Variants in VPS13B observed in about 807,000 individuals in gnomAD.
VPS13B encodes intermembrane lipid transfer protein VPS13B.
In VPS13B, 285 loss-of-function variants were observed where a neutral mutation model predicts 426.4. The ratio of observed to expected loss-of-function variants is 0.67; its 90% confidence interval spans 0.61 to 0.74. The LOEUF (loss-of-function observed/expected upper bound fraction) is 0.74, where lower values mean the gene tolerates loss of function less well. Among genes scored for constraint, VPS13B ranks in the 30% least tolerant of loss-of-function variants. The pLI, the probability that VPS13B is intolerant of heterozygous loss-of-function variation, is 0.00. For synonymous variants in VPS13B, 1,676 were observed against 1,676.4 expected (o/e 1.00, Z 0.01); for missense variants, 4,537 against 4,782.6 (o/e 0.95, Z 1.51).
intron 17 of VPS13B, chr8:99,233,539 T>TG: frequency 8.8e-7 from 1 of 1,133,486 alleles, no homozygotes; most frequent in Non-Finnish European, 1.3e-6. Context: ...AAACTGGTGA[T>TG]GGGGGTACAG....
In VPS13B at chr8:99,375,459, A is replaced by G. The variant is rs1027794571; in HGVS notation, c.2825-8749A>G. ...CTACATCCTACGAGAAGAGGAAGTA[A>G]TGAGCTACCATACGCACATACCATA... On this transcript the variant is annotated intron_variant, in intron 19 of 61. Transcript: ENST00000357162. 9.2e-5 allele frequency among the ~76,000 whole-genome samples: 14 copies of G among 152,222 alleles called. No homozygotes were observed. In the East Asian group the frequency reaches 2.5e-3, roughly 27 times the overall value.
At chr8:99,860,547 T>A (rs896051928) in intron 57 of VPS13B, among the ~76,000 whole-genome samples, 1 of 152,244 alleles carries the variant, frequency 6.6e-6, no homozygotes, top group African/African-American at 2.4e-5. Context: ...TTTTTTACAC[T>A]TGTTCTTTTC....
chr8:99,683,368 T>C (rs145880758), intron 35 of VPS13B, among the ~76,000 whole-genome samples: 189 of 151,256 alleles, frequency 1.2e-3, no homozygotes, highest in African/African-American at 4.4e-3. Flanking sequence ...AGAATCAGCT[T>C]TTCTATATTT....
At chr8:99,078,952 A>G (rs1845290307) in intron 3 of VPS13B, among the ~76,000 whole-genome samples, 1 of 152,002 alleles carries the variant, frequency 6.6e-6, no homozygotes, top group Non-Finnish European at 1.5e-5. Context: ...GATAGTGCAC[A>G]TGGTAAAGGT....
intron 39 of VPS13B, among the ~76,000 whole-genome samples, chr8:99,728,331 T>C (rs1833438261): frequency 6.6e-6 from 1 of 152,296 alleles, no homozygotes; most frequent in South Asian, 2.1e-4. Flanking sequence ...CTGTTCAATA[T>C]GTCACAAACC....
chr8:99,307,169 A>G (rs912842479), intron 19 of VPS13B, among the ~76,000 whole-genome samples: 1 of 152,128 alleles, frequency 6.6e-6, no homozygotes, highest in Non-Finnish European at 1.5e-5. Flanking sequence ...AATGGTAATA[A>G]TTAGGGTTCT....
At chr8:99,398,652 C>T (rs954655070) in intron 21 of VPS13B, among the ~76,000 whole-genome samples, 2 of 152,130 alleles carry the variant, frequency 1.3e-5, no homozygotes, top group Non-Finnish European at 2.9e-5. Context: ...ACAGTGAGAT[C>T]ATAGGTAAGC....
intron 19 of VPS13B, among the ~76,000 whole-genome samples, chr8:99,275,573 A>G (rs1474182101): frequency 6.6e-6 from 1 of 152,156 alleles, no homozygotes; most frequent in Non-Finnish European, 1.5e-5. Flanking sequence ...TTCTTGAGAT[A>G]GTAGCACTTT....
At chr8:99,716,515 C>G (rs28692823) in intron 36 of VPS13B, among the ~76,000 whole-genome samples, 6 of 152,258 alleles carry the variant, frequency 3.9e-5, no homozygotes, top group African/African-American at 1.2e-4. Context: ...ATCTACACTC[C>G]TATTTTAAGT....
chr8:99,568,040 A>G (rs1825270328), intron 31 of VPS13B, among the ~76,000 whole-genome samples: 1 of 152,152 alleles, frequency 6.6e-6, no homozygotes, highest in Admixed American at 6.5e-5. Flanking sequence ...GTTTCTGCTG[A>G]GAGTGTTTTA....
chr8:99,256,665 T>G (rs571690704), intron 17 of VPS13B, among the ~76,000 whole-genome samples: 33 of 152,324 alleles, frequency 2.2e-4, no homozygotes, highest in Non-Finnish European at 2.1e-4. Flanking sequence ...TATTTTCATG[T>G]GCTTATTATC....
At chr8:99,452,012 C>A (rs924701358) in intron 23 of VPS13B, among the ~76,000 whole-genome samples, 1 of 152,136 alleles carries the variant, frequency 6.6e-6, no homozygotes, top group African/African-American at 2.4e-5. Context: ...TTTTTGCGTG[C>A]AATCCTTTTG....
At chr8:99,461,486 C>A (rs543284664) in intron 23 of VPS13B, among the ~76,000 whole-genome samples, 1 of 152,266 alleles carries the variant, frequency 6.6e-6, no homozygotes, top group African/African-American at 2.4e-5. Context: ...AATGATCTTG[C>A]AAGCTTTTCT....
chr8:99,138,245 G>A lies in VPS13B; in HGVS notation c.1651+1493G>A, dbSNP rs368395039. ...TGGTTCAAGCGATTCTCATGCCTCA[G>A]CCTCCTAAGTGGCTGGGACTACAGG... On this transcript the variant is annotated intron_variant, in intron 12 of 61. Transcript: ENST00000357162. Among the ~76,000 whole-genome samples, 3 of 152,312 alleles carry A rather than the reference G, an allele frequency of 2.0e-5. 1 individual carries two copies. Among genetic ancestry groups the A allele is most frequent in the Middle Eastern group, 6.8e-3 (2 of 294 alleles).
intron 21 of VPS13B, among the ~76,000 whole-genome samples, chr8:99,393,348 T>C (rs1814547329): frequency 6.6e-6 from 1 of 152,122 alleles, no homozygotes; most frequent in South Asian, 2.1e-4. Context: ...TTTATGTTTT[T>C]ATAAGAAATT....
chr8:99,122,752 G>T (rs751155383), intron 8 of VPS13B, among the ~76,000 whole-genome samples: 5 of 152,096 alleles, frequency 3.3e-5, no homozygotes, highest in African/African-American at 4.8e-5. Context: ...GCTTTTTCAA[G>T]CTTAAATTGA....
At chr8:99,317,982 T>G (rs897322640) in intron 19 of VPS13B, among the ~76,000 whole-genome samples, 2 of 152,180 alleles carry the variant, frequency 1.3e-5, no homozygotes, top group Admixed American at 6.5e-5. Context: ...TGTGTTTTTT[T>G]GGGGGGTTAG....
rs1030098875 is a variant in VPS13B, at chr8:99,577,578, A to G, written c.5165A>G (p.His1722Arg). 1.2e-5 allele frequency: 20 copies of G among 1,613,754 alleles called. No individual in the cohort carries two copies. The highest frequency in any genetic ancestry group is 1.6e-5 in the Non-Finnish European group (19 of 1,179,794). ...AGTGTGGCTCAAGTTCAACTCTTAC[A>G]TCAGTTAATAGTAGCAAATATGACT... Reference protein sequence around the residue: ...FLSVAQVQLLHQLIVANMTGL... With the variant: ...FLSVAQVQLLRQLIVANMTGL... Residue 1722 changes from histidine to arginine, a missense_variant, in exon 33 of 62, where the codon CAT (histidine) becomes CGT (arginine). His to Arg is a conservative substitution (Grantham distance 29). Transcript: ENST00000357162.
intron 26 of VPS13B, 78 bp from the exon 27 acceptor site, chr8:99,502,758 A>G: frequency 9.1e-7 from 1 of 1,102,998 alleles, no homozygotes; most frequent in East Asian, 2.4e-5. Context: ...TGCATTTGTC[A>G]ATGTGAAATG....
Sources: gnomAD v4.1 joint callset for allele counts (sites outside exome capture counted in the v4.1 genomes callset) on GRCh38, gnomAD v4.1.1 for gene constraint, MANE v1.5 for transcripts, NCBI Gene and HGNC (gene_info 2026-07-23, HGNC 2026-07-21) for gene names.